METTL5: variants seen among roughly 807,000 people sequenced by gnomAD.
METTL5 encodes rRNA N(6)-adenosine-methyltransferase METTL5.
In METTL5, 28 loss-of-function variants were observed where a neutral mutation model predicts 26.5. That is an observed-to-expected ratio of 1.06 (90% confidence interval 0.78 to 1.45). The LOEUF (loss-of-function observed/expected upper bound fraction) is 1.45. Among genes scored for constraint, METTL5 ranks in the 40% most tolerant of loss-of-function variants. METTL5 has a pLI of 0.00. For synonymous variants in METTL5, 86 were observed against 82.6 expected (o/e 1.04, Z -0.22); for missense variants, 231 against 249.9 (o/e 0.92, Z 0.51).
chr2:169,811,865 G>A lies in METTL5; in HGVS notation c.592-7C>T, dbSNP rs565194767. On this transcript the variant is annotated splice_region_variant and splice_polypyrimidine_tract_variant and intron_variant, in intron 6 of 6. Coordinates refer to ENST00000260953, the MANE Select transcript of METTL5 (RefSeq NM_014168.4). ...GGTCCACTTCAATGTCCACCTGTGA[G>A]AAAGGAAAAATTTTTTTGTTGTTTA... 6 of 1,612,070 alleles carry A rather than the reference G, an allele frequency of 3.7e-6. No homozygotes were observed. In the South Asian group the frequency reaches 5.5e-5, roughly 15 times the overall value.
chr2:169,817,503 T>C (rs1211582137), intron 4 of METTL5, among the ~76,000 whole-genome samples: 1 of 152,156 alleles, frequency 6.6e-6, no homozygotes, highest in Non-Finnish European at 1.5e-5. Context: ...GCGGCACTAT[T>C]CACAATAGCA....
At chr2:169,812,368 G>C (rs754896532) in intron 6 of METTL5, 89 bp downstream of exon 6, 1 of 1,608,812 alleles carries the variant, frequency 6.2e-7, no homozygotes, top group African/African-American at 1.3e-5. Flanking sequence ...AGCCTCCCGA[G>C]TAGCTGGGAT....
At chr2:169,812,251 C>A (rs918669952) in intron 6 of METTL5, 2 of 714,058 alleles carry the variant, frequency 2.8e-6, no homozygotes, top group Non-Finnish European at 4.4e-6. Flanking sequence ...CTTTTTTTTT[C>A]TTTTTCGAGA....
rs199640881 is a variant in METTL5, at chr2:169,811,812, C to T, written c.*8G>A. On this transcript the variant is annotated 3_prime_UTR_variant, in exon 7 of 7. Coordinates refer to ENST00000260953, the MANE Select transcript of METTL5 (RefSeq NM_014168.4). ...ATAGGTTTTAAACGACTTTTGTTTG[C>T]GGGGCTTTTAAAAGGAAAACCGAAT... 2.1e-4 allele frequency: 334 copies of T among 1,613,506 alleles called. 1 individual carries two copies. The African/African-American group carries it at 3.8e-3, about 18-fold the overall frequency.
intron 5 of METTL5, chr2:169,813,130 T>A (rs1222247882): frequency 6.8e-6 from 1 of 146,056 alleles, no homozygotes; most frequent in Admixed American, 6.9e-5. Flanking sequence ...TGAAATTCTT[T>A]TTTTTTTTTT....
In METTL5 at chr2:169,811,791, G is replaced by A; in HGVS notation, c.*29C>T. On this transcript the variant is annotated 3_prime_UTR_variant, in exon 7 of 7. Transcript: ENST00000260953. ...CCAATTTTTTATTCATTTTAAATAG[G>A]TTTTAAACGACTTTTGTTTGCGGGG... is the stretch of plus-strand genomic sequence containing the variant. 6.2e-7 allele frequency: 1 copy of A among 1,613,618 alleles called. No homozygotes were observed.
chr2:169,821,892 C>A (rs755806100), intron 2 of METTL5, 51 bp downstream of exon 2: 1 of 1,516,884 alleles, frequency 6.6e-7, no homozygotes, highest in Admixed American at 1.7e-5. Context: ...CCCATTGATG[C>A]TCCTTATTAA....
intron 4 of METTL5, 68 bp downstream of exon 4, chr2:169,819,493 C>T (rs1480256671): frequency 9.6e-6 from 12 of 1,252,400 alleles, no homozygotes; most frequent in Non-Finnish European, 1.4e-5. Flanking sequence ...GTATTCACAG[C>T]AAATCCTAAA....
At chr2:169,813,850 A>AG (rs1222763688) in intron 5 of METTL5, among the ~76,000 whole-genome samples, 2 of 152,084 alleles carry the variant, frequency 1.3e-5, no homozygotes, top group African/African-American at 4.8e-5. Context: ...TGGGCAACAG[A>AG]GGGAGACTCC....
In METTL5 at chr2:169,822,015, T is replaced by G. The variant is rs1290024495; in HGVS notation, c.152A>C (p.Glu51Ala). 2 of 1,613,100 alleles carry G rather than the reference T, an allele frequency of 1.2e-6. No homozygotes were observed. The highest frequency in any genetic ancestry group is 1.7e-6 in the Non-Finnish European group (2 of 1,179,992). ...TCCTAGATCTGCAACGACTTTATTT[T>G]CAATGTCATCATAAGTGTTATGGAT... ...YTIHNTYDDI[E>A]NKVVADLGCG... Residue 51 changes from glutamate (E) to alanine (A), a missense_variant, in exon 2 of 7, where the codon GAA becomes GCA. Physicochemically the swap from Glu to Ala is moderately radical, Grantham distance 107. Coordinates refer to ENST00000260953, the MANE Select transcript of METTL5 (RefSeq NM_014168.4).
At chr2:169,820,591 A>T (rs17624628) in intron 3 of METTL5, among the ~76,000 whole-genome samples, 5,825 of 152,368 alleles carry the variant, frequency 0.038, 153 homozygotes, top group Non-Finnish European at 0.062. Context: ...AATGTAAATT[A>T]TAAGAACTAT....
Position 169,821,097 on chromosome 2 carries a change from T to G in METTL5, c.401A>C (p.Asn134Thr). Residue 134 changes from asparagine (N) to threonine (T), a missense_variant, in exon 3 of 7, where the codon AAT becomes ACT. Physicochemically the swap from Asn to Thr is moderately conservative, Grantham distance 65. Coordinates refer to ENST00000260953, the MANE Select transcript of METTL5 (RefSeq NM_014168.4). ...IMNPPFGTKN[N>T]KGTDMAFLKT... ...ACCCGATTCTTGTTACAAACCTTTA[T>G]TATTTTTGGTCCCAAAGGGAGGATT... is the stretch of plus-strand genomic sequence containing the variant. The G allele has an allele frequency of 7.0e-6, 11 of 1,582,180 alleles. No homozygotes were observed. Among genetic ancestry groups the G allele is most frequent in the Non-Finnish European group, 9.4e-6 (11 of 1,169,104 alleles).
Position 169,815,429 on chromosome 2 carries a change from C to G in METTL5, c.541+48G>C, listed in dbSNP as rs371330405. The G allele has an allele frequency of 4.3e-5, 61 of 1,425,396 alleles. No homozygotes were observed. In the African/African-American group the frequency reaches 7.7e-4, roughly 18 times the overall value. 88.3% of individuals were successfully genotyped at this position (1,425,396 alleles called of 1,614,324 possible). A position where few individuals can be genotyped will look rare whatever the true frequency, so the allele number is the denominator to read the frequency against. On this transcript the variant is annotated intron_variant, in intron 5 of 6. Transcript: ENST00000260953. The stretch of plus-strand genomic sequence containing the variant: ...CACCTGCATGAAAATTTTGGTTGGG[C>G]GAATACATGTTGGCCCTTTTGGATA...
chr2:169,812,140 G>C, intron 6 of METTL5: 1 of 555,924 alleles, frequency 1.8e-6, no homozygotes, highest in East Asian at 3.2e-5. Flanking sequence ...TTGACGATGG[G>C]CCTTTCCCAC....
chr2:169,824,678 C>T lies in METTL5; in HGVS notation c.-81G>A. 8.7e-7 allele frequency: 1 copy of T among 1,148,072 alleles called. No homozygotes were observed. The highest frequency in any genetic ancestry group is 1.3e-6 in the Non-Finnish European group (1 of 759,146). 71.1% of individuals were successfully genotyped at this position (1,148,072 alleles called of 1,614,324 possible). A position where few individuals can be genotyped will look rare whatever the true frequency, so the allele number is the denominator to read the frequency against. On this transcript the variant is annotated 5_prime_UTR_variant, in exon 1 of 7. Coordinates refer to ENST00000260953, the MANE Select transcript of METTL5 (RefSeq NM_014168.4). ...CTATTGAACTGGGATCTTGTTTCCT[C>T]CCTACCCCCAACCTTCTCCCTTTTT... is the stretch of plus-strand genomic sequence containing the variant.
intron 2 of METTL5, 144 bp from the exon 3 acceptor site, chr2:169,821,417 T>TC (rs2081583551): frequency 3.1e-6 from 2 of 653,504 alleles, no homozygotes; most frequent in Non-Finnish European, 5.0e-6. Context: ...TCTTTTTTTT[T>TC]TTCTTTTTTC....
At chr2:169,812,181 T>C in intron 6 of METTL5, 1 of 577,428 alleles carries the variant, frequency 1.7e-6, no homozygotes, top group South Asian at 2.2e-5. Flanking sequence ...TAGGCTGGCT[T>C]TGTATATTTA....
chr2:169,824,882 C>T lies in METTL5; in HGVS notation c.-285G>A, dbSNP rs372891359. On this transcript the variant is annotated 5_prime_UTR_variant, in exon 1 of 7. Coordinates refer to ENST00000260953, the MANE Select transcript of METTL5 (RefSeq NM_014168.4). ...CGACCACGCACCTCTGGAGGCGACCCGCACCTCGGCCGGTGCCGGAAGCGC... is the reference window on the plus strand; with the variant it reads ...CGACCACGCACCTCTGGAGGCGACCTGCACCTCGGCCGGTGCCGGAAGCGC... 9.3e-6 allele frequency: 2 copies of T among 214,326 alleles called. No homozygotes were observed. The highest frequency in any genetic ancestry group is 9.2e-6 in the Non-Finnish European group (1 of 109,084). The allele number at this position is 214,326 out of a possible 1,614,324, so 13.3% of individuals were successfully genotyped here.
At position 169,824,609 on chromosome 2, in the gene METTL5, G is replaced by C; in HGVS notation, c.-12C>G. ...CTTACTTTCTTCATTTTGTTTTAAA[G>C]TATGGACTCGTAGGGTTTGAAGGCA... On this transcript the variant is annotated 5_prime_UTR_variant, in exon 1 of 7. Transcript: ENST00000260953. The C allele has an allele frequency of 6.3e-7, 1 of 1,589,744 alleles. No homozygotes were observed. The highest frequency in any genetic ancestry group is 2.2e-5 in the East Asian group (1 of 44,766).
Sources: gnomAD v4.1 joint callset for allele counts (sites outside exome capture counted in the v4.1 genomes callset) on GRCh38, gnomAD v4.1.1 for gene constraint, MANE v1.5 for transcripts, NCBI Gene and HGNC (gene_info 2026-07-23, HGNC 2026-07-21) for gene names.